CHAT: variants seen among roughly 807,000 people sequenced by gnomAD.
CHAT encodes the protein acetyl CoA:choline O-acetyltransferase.
Under a neutral mutation model 76.9 loss-of-function variants are expected in CHAT, and 61 were observed. The ratio of observed to expected loss-of-function variants is 0.79; its 90% CI spans 0.65 to 0.98. CHAT has a LOEUF of 0.98. Ranked by LOEUF, CHAT falls within the 50% of genes least tolerant of loss-of-function variation. CHAT has a pLI of 0.00. For missense variants in CHAT, 946 were observed against 986.9 expected, an observed-to-expected ratio of 0.96 and a Z score of 0.56; for synonymous variants, 407 against 397.4, an observed-to-expected ratio of 1.02 and a Z score of -0.29.
chr10:49,622,138 C>A lies in CHAT; in HGVS notation c.740C>A (p.Ala247Asp). The change falls in exon 5 of 15, where the codon GCC becomes GAC. Residue 247 changes from alanine (A) to aspartate (D), a missense_variant. This residue lies in a region of CHAT where 548 missense variants were observed against 516.2 expected (regional missense o/e 1.06). Transcript: ENST00000337653. ...ATCTCTGGTGTACTCAGCTACAAGGCCCTGCTGGACAGGTAGGACTGGGAG... is the reference window on the plus strand; with the variant it reads ...ATCTCTGGTGTACTCAGCTACAAGGACCTGCTGGACAGGTAGGACTGGGAG... ...SLISGVLSYK[A>D]LLDSHSIPTD... 1 of 1,505,742 alleles carries A rather than the reference C, an allele frequency of 6.6e-7. No homozygotes were observed. Among genetic ancestry groups the A allele is most frequent in the South Asian group, 1.1e-5 (1 of 88,774 alleles). The allele number at this position is 1,505,742 out of a possible 1,614,324, so 93.3% of individuals were successfully genotyped here.
chr10:49,636,731 C>T (rs1430076358), intron 7 of CHAT, among the ~76,000 whole-genome samples: 1 of 152,126 alleles, frequency 6.6e-6, no homozygotes, highest in East Asian at 1.9e-4. Flanking sequence ...TATTAGAACG[C>T]TAAGCTTGTG....
rs538329829 is a variant in CHAT at position 49,621,933 on chromosome 10, C to G, written c.699-164C>G. Among the ~76,000 whole-genome samples the G allele has an allele frequency of 2.0e-3, 3 of 1,466 alleles. No individual in the cohort carries two copies. In the South Asian group the frequency reaches 0.033, roughly 16 times the overall value. 1.0% of individuals were successfully genotyped at this position (1,466 alleles called of 152,430 possible). ...GGGGGCGGCATACAATGGGCGATCA[C>G]AGAGTTTGGCAGTGGGGATGAGGGA... On this transcript the variant is annotated intron_variant, in intron 4 of 14. Coordinates refer to ENST00000337653, the MANE Select transcript of CHAT (RefSeq NM_020549.5).
chr10:49,629,814 T>C (rs1590580509), intron 7 of CHAT, among the ~76,000 whole-genome samples: 1 of 151,672 alleles, frequency 6.6e-6, no homozygotes, highest in African/African-American at 2.4e-5. Context: ...CCTTCACAGA[T>C]CCCCCCTCCC....
At chr10:49,664,643 A>C (rs947731929) in intron 14 of CHAT, 134 bp from the exon 15 acceptor site, 42 of 1,139,886 alleles carry the variant, frequency 3.7e-5, no homozygotes, top group Non-Finnish European at 5.5e-5. Context: ...GGCTGTGTCC[A>C]TCCATGCTAA....
At chr10:49,631,192 T>G (rs1839106815) in intron 7 of CHAT, among the ~76,000 whole-genome samples, 1 of 152,142 alleles carries the variant, frequency 6.6e-6, no homozygotes, top group Non-Finnish European at 1.5e-5. Flanking sequence ...CTCAGCAGGT[T>G]CAAGTCTGCT....
chr10:49,627,916 C>A, intron 7 of CHAT, 131 bp downstream of exon 7: 1 of 1,093,316 alleles, frequency 9.1e-7, no homozygotes, highest in Non-Finnish European at 1.3e-6. Context: ...CCACAGCATG[C>A]CCTGCGGCCA....
At chr10:49,637,544 C>T (rs186753110) in intron 7 of CHAT, 1 of 152,174 alleles carries the variant, frequency 6.6e-6, no homozygotes, top group Non-Finnish European at 1.5e-5. Flanking sequence ...GCTTGGCAGT[C>T]CCCCCCTTGT....
intron 4 of CHAT, 77 bp from the exon 5 acceptor site, chr10:49,622,020 G>T: frequency 1.3e-6 from 2 of 1,511,286 alleles, no homozygotes; most frequent in Non-Finnish European, 1.8e-6. Context: ...GAAGGAGGGA[G>T]GGGAGGCAGA....
In CHAT at chr10:49,634,223, A is replaced by G. The variant is rs1296996801; in HGVS notation, c.1111+6438A>G. Among the ~76,000 whole-genome samples, 4 of 152,338 alleles carry G rather than the reference A, an allele frequency of 2.6e-5. No homozygotes were observed. In the East Asian group the frequency reaches 7.7e-4, roughly 29 times the overall value. On this transcript the variant is annotated intron_variant, in intron 7 of 14. Transcript: ENST00000337653. The stretch of plus-strand genomic sequence containing the variant: ...AGGGCAAGAGGCCTGCCCTTAACCT[A>G]CCACGGCTGCTGTCTCCTGGGGCCT...
chr10:49,610,461 C>T, upstream of CHAT: 1 of 378,168 alleles, frequency 2.6e-6, no homozygotes, highest in Non-Finnish European at 4.7e-6. Flanking sequence ...TGCGCCCAGT[C>T]TCCGGCCCCG....
Position 49,666,267 on chromosome 10 carries a change from T to C in CHAT, c.*1221T>C, listed in dbSNP as rs1840337872. On this transcript the variant is annotated 3_prime_UTR_variant, in exon 15 of 15. Coordinates refer to ENST00000337653, the MANE Select transcript of CHAT (RefSeq NM_020549.5). ...CCCCAGCTCCAGCTCCAGCCCCAGCTCCAGCTCCAGCCCCAGCTCCAGCTC... is the reference window on the plus strand; with the variant it reads ...CCCCAGCTCCAGCTCCAGCCCCAGCCCCAGCTCCAGCCCCAGCTCCAGCTC... Among the ~76,000 whole-genome samples, 1 of 151,846 alleles carries C rather than the reference T, an allele frequency of 6.6e-6. No homozygotes were observed. Among genetic ancestry groups the C allele is most frequent in the Admixed American group, 6.6e-5 (1 of 15,246 alleles).
At chr10:49,640,724 G>A (rs903987434) in intron 7 of CHAT, among the ~76,000 whole-genome samples, 5 of 152,114 alleles carry the variant, frequency 3.3e-5, no homozygotes, top group Non-Finnish European at 7.4e-5. Flanking sequence ...GGGGGAGGGA[G>A]GGATGACACG....
At chr10:49,659,369 T>C (rs1840123477) in intron 13 of CHAT, among the ~76,000 whole-genome samples, 1 of 151,284 alleles carries the variant, frequency 6.6e-6, no homozygotes, top group Non-Finnish European at 1.5e-5. Flanking sequence ...AAATAAAACA[T>C]AAAAGAGGAA....
chr10:49,664,626 T>C, intron 14 of CHAT, 151 bp from the exon 15 acceptor site: 5 of 1,041,882 alleles, frequency 4.8e-6, no homozygotes, highest in Non-Finnish European at 7.3e-6. Flanking sequence ...TCTGTTTTTA[T>C]GACTCTGGCT....
upstream of CHAT, chr10:49,610,956 C>A (rs1235546648): frequency 6.2e-7 from 1 of 1,610,804 alleles, no homozygotes; most frequent in Admixed American, 1.7e-5. Context: ...AGGGCCCCAC[C>A]CGGACTCCCG....
intron 5 of CHAT, among the ~76,000 whole-genome samples, chr10:49,622,703 G>T (rs73319024): frequency 0.028 from 4,301 of 152,258 alleles, 209 homozygotes; most frequent in African/African-American, 0.097. Flanking sequence ...GAGTAAGCGG[G>T]TCTGGAGGAC....
intron 7 of CHAT, among the ~76,000 whole-genome samples, chr10:49,635,474 A>G (rs923412776): frequency 6.6e-6 from 1 of 152,226 alleles, no homozygotes; most frequent in Non-Finnish European, 1.5e-5. Context: ...TCACACCATA[A>G]TAGTATGTTT....
chr10:49,610,683 G>A (rs1838264752), upstream of CHAT: 2 of 1,440,268 alleles, frequency 1.4e-6, no homozygotes, highest in Non-Finnish European at 1.8e-6. Context: ...TCTGCACTGC[G>A]GGACGCCAGC....
chr10:49,659,934 T>A (rs1243673408), intron 13 of CHAT, among the ~76,000 whole-genome samples: 1 of 152,134 alleles, frequency 6.6e-6, no homozygotes, highest in African/African-American at 2.4e-5. Flanking sequence ...TTATACATTG[T>A]CAATTCTAGG....
Sources: allele counts gnomAD v4.1 joint callset (sites outside exome capture counted in the v4.1 genomes callset), GRCh38; gene constraint gnomAD v4.1.1; regional missense constraint gnomAD v4.1.1; transcripts MANE v1.5; gene names NCBI Gene and HGNC (gene_info 2026-07-23, HGNC 2026-07-21).